Variants in CD9 observed in about 807,000 individuals in gnomAD.
The protein encoded by CD9 is CD9 molecule.
CD9 carries 10 observed loss-of-function variants against 31.4 expected under a neutral mutation model. The ratio of observed to expected loss-of-function variants is 0.32; its 90% confidence interval spans 0.20 to 0.54. The LOEUF is 0.54. CD9 is among the 20% of genes least tolerant of loss of function. The pLI, the probability that CD9 is intolerant of heterozygous loss-of-function variation, is 0.94. For synonymous variants in CD9, 113 were observed against 114.1 expected (o/e 0.99, Z 0.06); for missense variants, 259 against 300.1 (o/e 0.86, Z 1.01).
chr12:6,215,555 G>C (rs980805267), intron 1 of CD9, among the ~76,000 whole-genome samples: 5 of 152,174 alleles, frequency 3.3e-5, no homozygotes, highest in Non-Finnish European at 7.3e-5. Context: ...ATAGAGAAGA[G>C]TTTCCTGGGT....
intron 2 of CD9, among the ~76,000 whole-genome samples, chr12:6,229,517 G>A (rs1338310271): frequency 1.3e-5 from 2 of 152,216 alleles, no homozygotes; most frequent in Non-Finnish European, 2.9e-5. Context: ...CCGTGAACTC[G>A]GGAGGGCGGG....
Position 6,232,925 on chromosome 12 carries a change from C to G in CD9, c.273+196C>G. ...TCTTCCTTTCTGGAGCCTGTCTTAT[C>G]GCTTCCCCTAGGCAACTAAAAGGAC... On this transcript the variant is annotated intron_variant, in intron 3 of 7. Transcript: ENST00000009180. This position sits in a 1 kb window ranked among gnomAD's most constrained non-coding sequence, Gnocchi z 4.8. The G allele has an allele frequency of 1.4e-6, 1 of 702,866 alleles. No homozygotes were observed. Among genetic ancestry groups the G allele is most frequent in the Non-Finnish European group, 2.6e-6 (1 of 385,108 alleles). 43.5% of individuals were successfully genotyped at this position (702,866 alleles called of 1,614,324 possible).
intron 1 of CD9, among the ~76,000 whole-genome samples, chr12:6,213,281 C>T (rs1002786277): frequency 1.3e-5 from 2 of 152,220 alleles, no homozygotes; most frequent in African/African-American, 2.4e-5. Flanking sequence ...GAAACCACAT[C>T]ACACAAGATC....
chr12:6,208,855 T>A (rs916412273), intron 1 of CD9, among the ~76,000 whole-genome samples: 2 of 151,550 alleles, frequency 1.3e-5, no homozygotes, highest in African/African-American at 4.9e-5. Context: ...TGTAGTTTAA[T>A]GTCTTTTAAA....
chr12:6,232,131 C>A lies in CD9; in HGVS notation c.176-501C>A, dbSNP rs1008581280. On this transcript the variant is annotated intron_variant, in intron 2 of 7. Coordinates refer to ENST00000009180, the MANE Select transcript of CD9 (RefSeq NM_001769.4). This position sits in a 1 kb window ranked among gnomAD's most constrained non-coding sequence, Gnocchi z 4.8. The stretch of plus-strand genomic sequence containing the variant: ...TTCTGGGAACAGGCAGAGTTGGTTC[C>A]CCCCACCCCTGGGTAGGGGGGTGCC... 2 of 172,378 alleles carry A rather than the reference C, an allele frequency of 1.2e-5. No homozygotes were observed. Among genetic ancestry groups the A allele is most frequent in the South Asian group, 2.3e-4 (2 of 8,526 alleles). The allele number at this position is 172,378 out of a possible 1,614,324, so 10.7% of individuals were successfully genotyped here.
At chr12:6,210,544 C>G (rs895800598) in intron 1 of CD9, among the ~76,000 whole-genome samples, 1 of 152,200 alleles carries the variant, frequency 6.6e-6, no homozygotes, top group Non-Finnish European at 1.5e-5. Flanking sequence ...GGTGGCCATG[C>G]AGCTGCCCTG....
chr12:6,204,828 C>T (rs888772611), intron 1 of CD9, among the ~76,000 whole-genome samples: 2 of 152,278 alleles, frequency 1.3e-5, no homozygotes, highest in East Asian at 1.9e-4. Context: ...AAGTCTAAAC[C>T]GCAGATGTGG....
chr12:6,205,453 T>C lies in CD9; in HGVS notation c.66+4888T>C, dbSNP rs140883204. On this transcript the variant is annotated intron_variant, in intron 1 of 7. Transcript: ENST00000009180. The stretch of plus-strand genomic sequence containing the variant: ...GCTCCAGCCCGAATTTGGGAGTGCT[T>C]TGATATGCAGCCCTCTCTGGGGCCC... Among the ~76,000 whole-genome samples the C allele has an allele frequency of 4.4e-3, 668 of 152,248 alleles. 5 individuals carry two copies. The highest frequency in any genetic ancestry group is 6.5e-3 in the Non-Finnish European group (443 of 68,006).
chr12:6,217,213 A>G (rs1591968441), intron 1 of CD9, among the ~76,000 whole-genome samples: 1 of 152,142 alleles, frequency 6.6e-6, no homozygotes, highest in Admixed American at 6.5e-5. Context: ...TTGCTGAGGC[A>G]GGTGCATGTT....
At chr12:6,230,197 T>A (rs1946425392) in intron 2 of CD9, among the ~76,000 whole-genome samples, 1 of 152,106 alleles carries the variant, frequency 6.6e-6, no homozygotes, top group Admixed American at 6.5e-5. Flanking sequence ...GGGGATCGCT[T>A]CCCTTTTCCC....
chr12:6,203,070 CAG>C (rs1946093922), intron 1 of CD9, among the ~76,000 whole-genome samples: 1 of 152,332 alleles, frequency 6.6e-6, no homozygotes, highest in South Asian at 2.1e-4. Flanking sequence ...TCCACTTGTG[CAG>C]AGTGTTAGTC....
chr12:6,216,796 C>G (rs573129060), intron 1 of CD9, among the ~76,000 whole-genome samples: 1 of 152,198 alleles, frequency 6.6e-6, no homozygotes, highest in Non-Finnish European at 1.5e-5. Context: ...CGCTGCCACC[C>G]AGCCGCCTTC....
chr12:6,222,706 G>A (rs182771271), intron 1 of CD9, among the ~76,000 whole-genome samples: 68 of 152,300 alleles, frequency 4.5e-4, no homozygotes, highest in African/African-American at 1.6e-3. Context: ...CAGGGTCCTC[G>A]ACATTGGGGC....
At chr12:6,236,073 T>A in intron 6 of CD9, 119 bp from the exon 7 acceptor site, 1 of 1,511,326 alleles carries the variant, frequency 6.6e-7, no homozygotes. Flanking sequence ...CGAACACTCC[T>A]GTCCCCAGCC....
chr12:6,210,835 C>CTTTT (rs143561091), intron 1 of CD9, among the ~76,000 whole-genome samples: 1 of 130,894 alleles, frequency 7.6e-6, no homozygotes, highest in Non-Finnish European at 1.6e-5. Flanking sequence ...AGTTGAGCAA[C>CTTTT]TTTTTTTTTT....
rs753300704 is a variant in CD9, at chr12:6,233,386, C to T, written c.274-26C>T. 36 of 1,577,736 alleles carry T rather than the reference C, an allele frequency of 2.3e-5. No homozygotes were observed. The Middle Eastern group carries it at 5.0e-4, about 22-fold the overall frequency. ...CTGGCTGGTTGGCTGGGACTGTTCT[C>T]ACCCCGTCCCCTCGTTGCCTTCCAG... On this transcript the variant is annotated intron_variant, in intron 3 of 7. Transcript: ENST00000009180.
chr12:6,237,159 G>C (rs1272366655), intron 7 of CD9, among the ~76,000 whole-genome samples: 1 of 151,962 alleles, frequency 6.6e-6, no homozygotes, highest in East Asian at 1.9e-4. Context: ...ATTTTTAGTA[G>C]AGATGGGGTT....
At chr12:6,220,575 G>A (rs1408349764) in intron 1 of CD9, among the ~76,000 whole-genome samples, 8 of 152,300 alleles carry the variant, frequency 5.3e-5, no homozygotes, top group African/African-American at 1.9e-4. Flanking sequence ...TTAGGTTAGG[G>A]AGACCTGTCT....
At chr12:6,224,421 G>C (rs1946335556) in intron 1 of CD9, among the ~76,000 whole-genome samples, 1 of 152,050 alleles carries the variant, frequency 6.6e-6, no homozygotes, top group East Asian at 1.9e-4. Context: ...TCCCACTATT[G>C]CCACATCTGC....
Sources: gnomAD v4.1 joint callset for allele counts (sites outside exome capture counted in the v4.1 genomes callset) on GRCh38, gnomAD v4.1.1 for gene constraint, Gnocchi (gnomAD v3.1) non-coding constraint, MANE v1.5 for transcripts, NCBI Gene and HGNC (gene_info 2026-07-23, HGNC 2026-07-21) for gene names.